SPRED1: variants seen among roughly 807,000 people sequenced by gnomAD.
The protein encoded by SPRED1 is sprouty related EVH1 domain containing 1.
Under a neutral mutation model 52.3 loss-of-function variants are expected in SPRED1, and 18 were observed. That is an observed-to-expected ratio of 0.34 (90% CI 0.24 to 0.51). The LOEUF (loss-of-function observed/expected upper bound fraction) is 0.51. Among genes scored for constraint, SPRED1 ranks in the 20% least tolerant of loss-of-function variants. SPRED1 has a pLI of 0.97. For missense variants in SPRED1, 485 were observed against 551.0 expected (o/e 0.88, Z 1.20); for synonymous variants, 155 against 179.7 (o/e 0.86, Z 1.10).
At chr15:38,254,466 C>G (rs1168740091) in intron 1 of SPRED1, among the ~76,000 whole-genome samples, 2 of 152,096 alleles carry the variant, frequency 1.3e-5, no homozygotes, top group East Asian at 1.9e-4. Flanking sequence ...TGTTCTGTCT[C>G]TTTTTGTGAA....
In SPRED1 at chr15:38,352,607, T is replaced by G. The variant is rs183715838; in HGVS notation, c.*943T>G. The G allele has an allele frequency of 7.9e-5, 12 of 152,606 alleles. No homozygotes were observed. In the East Asian group the frequency reaches 2.1e-3, roughly 27 times the overall value. The allele number at this position is 152,606 out of a possible 1,614,324, so 9.5% of individuals were successfully genotyped here. A position where few individuals can be genotyped will look rare whatever the true frequency, so the allele number is the denominator to read the frequency against. On this transcript the variant is annotated 3_prime_UTR_variant, in exon 7 of 7. Transcript: ENST00000299084. ...CAGCAAGTTGTTTTCTTTCAGAGTT[T>G]CCTCCTTCAAAAAGTTATATTGCAT...
chr15:38,282,397 C>T (rs1894710861), intron 1 of SPRED1, among the ~76,000 whole-genome samples: 1 of 151,514 alleles, frequency 6.6e-6, no homozygotes, highest in Non-Finnish European at 1.5e-5. Context: ...ATTCCCACCA[C>T]TTGGGAGGCT....
At chr15:38,315,245 A>C (rs1895452265) in intron 2 of SPRED1, among the ~76,000 whole-genome samples, 2 of 151,966 alleles carry the variant, frequency 1.3e-5, no homozygotes, top group African/African-American at 4.8e-5. Flanking sequence ...TCAGAAAGTT[A>C]CTAGTAAAAA....
intron 4 of SPRED1, among the ~76,000 whole-genome samples, chr15:38,325,411 A>G (rs1895694500): frequency 6.6e-6 from 1 of 152,152 alleles, no homozygotes; most frequent in Non-Finnish European, 1.5e-5. Context: ...ATTTCAGATA[A>G]GAGATATCAA....
intron 2 of SPRED1, among the ~76,000 whole-genome samples, chr15:38,307,010 C>T (rs756622608): frequency 9.2e-5 from 14 of 152,106 alleles, no homozygotes; most frequent in Non-Finnish European, 1.5e-4. Flanking sequence ...TGGTATATTT[C>T]GTAATTTATT....
rs531758537 is a variant in SPRED1 at position 38,278,879 on chromosome 15, G to A, written c.33-20494G>A. ...GTCTCACTCTGTCGCCTAGGCTGGA[G>A]TGCAGTGGCGGAATCTTAGCTCACT... On this transcript the variant is annotated intron_variant, in intron 1 of 6. Transcript: ENST00000299084. Among the ~76,000 whole-genome samples, 54 of 146,498 alleles carry A rather than the reference G, an allele frequency of 3.7e-4. 1 individual carries two copies. In the Admixed American group the frequency reaches 3.8e-3, roughly 10 times the overall value.
intron 1 of SPRED1, among the ~76,000 whole-genome samples, chr15:38,277,841 T>A (rs1476129699): frequency 6.6e-6 from 1 of 152,140 alleles, no homozygotes; most frequent in Non-Finnish European, 1.5e-5. Flanking sequence ...TTGGTTTTGA[T>A]TTGGATTCTT....
intron 1 of SPRED1, among the ~76,000 whole-genome samples, chr15:38,278,405 C>T (rs1442523283): frequency 6.6e-6 from 1 of 152,138 alleles, no homozygotes; most frequent in Non-Finnish European, 1.5e-5. Flanking sequence ...ATTGCTTGAT[C>T]CTGGGAGCTG....
chr15:38,330,527 C>T (rs1480004071), intron 4 of SPRED1, among the ~76,000 whole-genome samples: 1 of 152,016 alleles, frequency 6.6e-6, no homozygotes, highest in Non-Finnish European at 1.5e-5. Flanking sequence ...TTTTGTTGGG[C>T]TTGTGGAATT....
At position 38,350,943 on chromosome 15, in the gene SPRED1, G is replaced by A. The variant is rs143030909; in HGVS notation, c.685-71G>A. The A allele has an allele frequency of 1.8e-5, 26 of 1,417,934 alleles. No homozygotes were observed. The East Asian group carries it at 6.2e-4, about 34-fold the overall frequency. The allele number at this position is 1,417,934 out of a possible 1,614,324, so 87.8% of individuals were successfully genotyped here. A position where few individuals can be genotyped will look rare whatever the true frequency, so the allele number is the denominator to read the frequency against. On this transcript the variant is annotated intron_variant, in intron 6 of 6. Coordinates refer to ENST00000299084, the MANE Select transcript of SPRED1 (RefSeq NM_152594.3). ...TATTTCAACAAATATCTGGACACTG[G>A]CCCCACCAAGGTGACACGTAAAATT...
intron 1 of SPRED1, among the ~76,000 whole-genome samples, chr15:38,281,318 T>G (rs1255009218): frequency 6.6e-6 from 1 of 152,208 alleles, no homozygotes; most frequent in African/African-American, 2.4e-5. Flanking sequence ...CATGCATCTT[T>G]GCAAAAGGAG....
At chr15:38,326,056 G>A (rs954832) in intron 4 of SPRED1, 14,429 of 152,192 alleles carry the variant, frequency 0.095, 785 homozygotes, top group East Asian at 0.21. Context: ...TCTTTGAGGC[G>A]AGTTTTAGTG....
chr15:38,270,920 T>G (rs2140956436), intron 1 of SPRED1, among the ~76,000 whole-genome samples: 1 of 152,308 alleles, frequency 6.6e-6, no homozygotes, highest in South Asian at 2.1e-4. Context: ...TGTTGATACC[T>G]TTGAGGTAGT....
chr15:38,310,154 T>TGTGTGTG (rs1566863248), intron 2 of SPRED1, among the ~76,000 whole-genome samples: 3 of 6,172 alleles, frequency 4.9e-4, no homozygotes, highest in Non-Finnish European at 1.2e-3. Context: ...TGTGTGTGTG[T>TGTGTGTG]TTGGAGACGA....
Position 38,252,869 on chromosome 15 carries a change from T to TCTCC in SPRED1, c.-316_-313dup. The TCTCC allele has an allele frequency of 2.2e-6, 1 of 459,136 alleles. No individual in the cohort carries two copies. Among genetic ancestry groups the TCTCC allele is most frequent in the Non-Finnish European group, 4.0e-6 (1 of 248,890 alleles). 28.4% of individuals were successfully genotyped at this position (459,136 alleles called of 1,614,324 possible). On this transcript the variant is annotated 5_prime_UTR_variant, in exon 1 of 7. Coordinates refer to ENST00000299084, the MANE Select transcript of SPRED1 (RefSeq NM_152594.3). ...CCACCCCAGTGGCTGGAGGAGCAGCTCTCCAGTCAGCCTTTGCAGCCCCTC... is the reference window on the plus strand; with the variant it reads ...CCACCCCAGTGGCTGGAGGAGCAGCTCTCCCTCCAGTCAGCCTTTGCAGCCCCTC...
chr15:38,265,000 G>T (rs889152439), intron 1 of SPRED1, among the ~76,000 whole-genome samples: 1 of 152,026 alleles, frequency 6.6e-6, no homozygotes, highest in African/African-American at 2.4e-5. Context: ...GATATTGCAG[G>T]GTTTTATCCA....
In SPRED1 at chr15:38,355,775, G is replaced by T. The variant is rs1299750649; in HGVS notation, c.*4111G>T. 2.0e-5 allele frequency: 3 copies of T among 152,170 alleles called. No individual in the cohort carries two copies. Among genetic ancestry groups the T allele is most frequent in the Non-Finnish European group, 4.4e-5 (3 of 68,020 alleles). 9.4% of individuals were successfully genotyped at this position (152,170 alleles called of 1,614,324 possible). A position where few individuals can be genotyped will look rare whatever the true frequency, so the allele number is the denominator to read the frequency against. On this transcript the variant is annotated 3_prime_UTR_variant, in exon 7 of 7. Coordinates refer to ENST00000299084, the MANE Select transcript of SPRED1 (RefSeq NM_152594.3). ...GACTTCCATGTTCACACTTCAAAGT[G>T]TAAGAGGAAGCACTAGAAACTGGCA...
intron 2 of SPRED1, among the ~76,000 whole-genome samples, chr15:38,308,411 T>C (rs775288468): frequency 4.6e-5 from 7 of 152,206 alleles, no homozygotes; most frequent in Non-Finnish European, 1.0e-4. Flanking sequence ...CTGTACAGTT[T>C]TATCACGTTT....
At chr15:38,324,839 A>G (rs2140996698) in intron 4 of SPRED1, 30 bp downstream of exon 4, 5 of 1,584,984 alleles carry the variant, frequency 3.2e-6, no homozygotes, top group Non-Finnish European at 4.3e-6. Context: ...GAATTTGTAA[A>G]CATAAAGGAT....
Sources: allele counts gnomAD v4.1 joint callset (sites outside exome capture counted in the v4.1 genomes callset), GRCh38; gene constraint gnomAD v4.1.1; transcripts MANE v1.5; gene names NCBI Gene and HGNC (gene_info 2026-07-23, HGNC 2026-07-21).